Variants in SGCZ observed in about 807,000 individuals in gnomAD.
The protein encoded by SGCZ is zeta-sarcoglycan.
In SGCZ, 40 loss-of-function variants were observed where a neutral mutation model predicts 41.3. The observed-to-expected ratio is 0.97, with a 90% confidence interval of 0.75 to 1.26. The LOEUF (loss-of-function observed/expected upper bound fraction) is 1.26, where lower values mean the gene tolerates loss of function less well. Ranked by LOEUF, SGCZ falls within the 50% of genes most tolerant of loss-of-function variation. The probability of loss-of-function intolerance (pLI) is 0.00; values close to 1 mark genes in which losing one functional copy is unlikely to be tolerated. For synonymous variants in SGCZ, 206 were observed against 137.5 expected (o/e 1.50, Z -3.49); for missense variants, 552 against 369.8 (o/e 1.49, Z -4.04).
At chr8:14,637,068 G>T (rs763174879) in intron 1 of SGCZ, among the ~76,000 whole-genome samples, 4 of 150,804 alleles carry the variant, frequency 2.7e-5, no homozygotes, top group African/African-American at 7.3e-5. Flanking sequence ...ATACATTCTG[G>T]ATTCGTGTTT....
chr8:14,120,911 T>A (rs1802677502), intron 5 of SGCZ, among the ~76,000 whole-genome samples: 1 of 152,140 alleles, frequency 6.6e-6, no homozygotes, highest in African/African-American at 2.4e-5. Flanking sequence ...GATAGTTTCA[T>A]GGAACTGGAC....
intron 3 of SGCZ, among the ~76,000 whole-genome samples, chr8:14,299,379 T>G (rs1043286869): frequency 4.6e-5 from 7 of 151,942 alleles, no homozygotes; most frequent in Non-Finnish European, 8.8e-5. Context: ...AGACATAACG[T>G]AGACTCACTA....
chr8:14,359,340 AG>A (rs1803419683), intron 2 of SGCZ, among the ~76,000 whole-genome samples: 2 of 152,146 alleles, frequency 1.3e-5, no homozygotes, highest in South Asian at 4.1e-4. Context: ...AAATCAACAA[AG>A]AAATACTGTA....
At chr8:15,180,489 T>G (rs542666990) in intron 1 of SGCZ, among the ~76,000 whole-genome samples, 1 of 152,270 alleles carries the variant, frequency 6.6e-6, no homozygotes, top group African/African-American at 2.4e-5. Flanking sequence ...ATTGCTTTGT[T>G]TTTTTGTAAA....
intron 1 of SGCZ, among the ~76,000 whole-genome samples, chr8:14,734,777 C>T (rs148722849): frequency 1.3e-5 from 2 of 152,116 alleles, no homozygotes; most frequent in African/African-American, 2.4e-5. Flanking sequence ...AGTAATTCCA[C>T]CCAAAAGATA....
intron 1 of SGCZ, among the ~76,000 whole-genome samples, chr8:14,593,082 C>T (rs1464025970): frequency 1.3e-5 from 2 of 152,072 alleles, no homozygotes; most frequent in Non-Finnish European, 2.9e-5. Flanking sequence ...GAATAATGCA[C>T]CTCCTCACCC....
chr8:14,582,083 C>T (rs1171315238), intron 1 of SGCZ, among the ~76,000 whole-genome samples: 1 of 152,096 alleles, frequency 6.6e-6, no homozygotes, highest in Non-Finnish European at 1.5e-5. Flanking sequence ...TGATGATCTA[C>T]TTCTGCTTAA....
At chr8:15,124,934 T>C (rs1202208140) in intron 1 of SGCZ, among the ~76,000 whole-genome samples, 3 of 152,278 alleles carry the variant, frequency 2.0e-5, no homozygotes, top group Admixed American at 1.3e-4. Flanking sequence ...GATAATACAT[T>C]ATGGCTATGA....
intron 1 of SGCZ, among the ~76,000 whole-genome samples, chr8:14,870,883 C>T (rs764855075): frequency 2.0e-5 from 3 of 152,138 alleles, no homozygotes; most frequent in Non-Finnish European, 2.9e-5. Context: ...GAGATACCAT[C>T]TCACGCCAGT....
At chr8:14,349,607 G>C (rs961316333) in intron 2 of SGCZ, among the ~76,000 whole-genome samples, 3 of 152,106 alleles carry the variant, frequency 2.0e-5, no homozygotes, top group Non-Finnish European at 2.9e-5. Context: ...GTGGAGGACA[G>C]ATTAACAAGG....
chr8:14,850,369 T>C (rs539640508), intron 1 of SGCZ, among the ~76,000 whole-genome samples: 34 of 152,250 alleles, frequency 2.2e-4, no homozygotes, highest in Admixed American at 7.2e-4. Context: ...AACATTAGCA[T>C]ACAGTATTGC....
intron 1 of SGCZ, among the ~76,000 whole-genome samples, chr8:15,165,245 C>G (rs926808599): frequency 6.6e-6 from 1 of 152,174 alleles, no homozygotes; most frequent in Admixed American, 6.5e-5. Context: ...CGAGATCACG[C>G]CACTGCTGCA....
intron 1 of SGCZ, among the ~76,000 whole-genome samples, chr8:14,937,360 A>G (rs933042543): frequency 1.3e-4 from 20 of 152,226 alleles, no homozygotes; most frequent in African/African-American, 4.1e-4. Flanking sequence ...TCTTATGAAC[A>G]TTAGCAATTT....
At chr8:14,191,975 A>G (rs1805117957) in intron 4 of SGCZ, among the ~76,000 whole-genome samples, 1 of 152,144 alleles carries the variant, frequency 6.6e-6, no homozygotes, top group Non-Finnish European at 1.5e-5. Flanking sequence ...CTCAAAGAAG[A>G]TATTTCTTAA....
At chr8:15,237,508 G>C (rs1403586182) in intron 1 of SGCZ, 77 bp downstream of exon 1, 5 of 1,515,132 alleles carry the variant, frequency 3.3e-6, no homozygotes, top group Middle Eastern at 2.1e-4. Flanking sequence ...CGCGCCGCTG[G>C]AGGAGCCGCG....
intron 1 of SGCZ, among the ~76,000 whole-genome samples, chr8:14,636,507 A>C (rs1429713123): frequency 6.6e-6 from 1 of 151,892 alleles, no homozygotes; most frequent in Non-Finnish European, 1.5e-5. Flanking sequence ...AAGTAAATGA[A>C]GAGGCAATAG....
intron 1 of SGCZ, among the ~76,000 whole-genome samples, chr8:14,587,027 T>TA (rs11399140): frequency 0.2 from 29,138 of 147,360 alleles, 2,869 homozygotes; most frequent in East Asian, 0.35. Flanking sequence ...TTTCTTACAT[T>TA]AAAAAAAAAA....
intron 1 of SGCZ, among the ~76,000 whole-genome samples, chr8:15,127,067 C>G (rs1357296120): frequency 3.9e-5 from 6 of 152,182 alleles, no homozygotes; most frequent in Admixed American, 2.0e-4. Context: ...AAAAGGATGA[C>G]ACTTCACTTT....
intron 1 of SGCZ, among the ~76,000 whole-genome samples, chr8:14,904,196 C>T (rs1355522971): frequency 2.6e-5 from 4 of 152,018 alleles, no homozygotes; most frequent in African/African-American, 9.7e-5. Context: ...AATTGCTGCT[C>T]ACAGCTTTCT....
Sources: allele counts gnomAD v4.1 joint callset (sites outside exome capture counted in the v4.1 genomes callset), GRCh38; gene constraint gnomAD v4.1.1; transcripts MANE v1.5; gene names NCBI Gene and HGNC (gene_info 2026-07-23, HGNC 2026-07-21).